BTG4: variants seen among roughly 807,000 people sequenced by gnomAD.
BTG4 encodes the protein protein BTG4.
In BTG4, 10 loss-of-function variants were observed where a neutral mutation model predicts 19.3. The ratio of observed to expected loss-of-function variants is 0.52; its 90% confidence interval spans 0.32 to 0.88. The LOEUF is 0.88. BTG4 is among the 40% of genes least tolerant of loss of function. The pLI is 0.04. For synonymous variants in BTG4, 91 were observed against 95.7 expected (o/e 0.95, Z 0.29); for missense variants, 238 against 281.9 (o/e 0.84, Z 1.11).
intron 5 of BTG4, among the ~76,000 whole-genome samples, chr11:111,483,446 T>G (rs1565452520): frequency 6.6e-6 from 1 of 152,020 alleles, no homozygotes; most frequent in Non-Finnish European, 1.5e-5. Context: ...GGAATCAGAA[T>G]CACCACCTTG....
chr11:111,511,378 T>C (rs147169261), intron 1 of BTG4, among the ~76,000 whole-genome samples: 1 of 152,330 alleles, frequency 6.6e-6, no homozygotes, highest in Non-Finnish European at 1.5e-5. Context: ...TAGTGTGAGT[T>C]TGTAGTTTGT....
intron 1 of BTG4, among the ~76,000 whole-genome samples, chr11:111,500,967 C>T (rs540508902): frequency 6.6e-6 from 1 of 152,174 alleles, no homozygotes; most frequent in African/African-American, 2.4e-5. Context: ...AACTTTAAGA[C>T]TCACCATCTG....
chr11:111,497,127 T>C (rs748684561), intron 4 of BTG4, 84 bp downstream of exon 4: 1 of 1,325,998 alleles, frequency 7.5e-7, no homozygotes, highest in Non-Finnish European at 1.0e-6. Flanking sequence ...CCATGTTTTT[T>C]TGCTTCTTTG....
chr11:111,453,798 C>T, the BTG4 span, among the ~76,000 whole-genome samples: 2 of 152,246 alleles, frequency 1.3e-5, no homozygotes, highest in Non-Finnish European at 2.9e-5. Context: ...GACATCTAAA[C>T]ACACTTTCCA....
At chr11:111,425,435 C>A in the BTG4 span, among the ~76,000 whole-genome samples, 6 of 152,222 alleles carry the variant, frequency 3.9e-5, no homozygotes, top group East Asian at 9.7e-4. Context: ...CCAGTGCTGA[C>A]CATTTAAGGA....
the BTG4 span, chr11:111,453,487 C>T: frequency 2.2e-6 from 1 of 456,580 alleles, no homozygotes; most frequent in Admixed American, 2.3e-5. Flanking sequence ...AGAATGCAAC[C>T]TCGATGCCTA....
chr11:111,420,747 G>C, the BTG4 span, among the ~76,000 whole-genome samples: 2 of 152,190 alleles, frequency 1.3e-5, no homozygotes, highest in Non-Finnish European at 2.9e-5. Flanking sequence ...CATTTTTATT[G>C]AGCACCTAAT....
At chr11:111,428,433 T>C in the BTG4 span, among the ~76,000 whole-genome samples, 2 of 152,214 alleles carry the variant, frequency 1.3e-5, no homozygotes, top group East Asian at 3.9e-4. Context: ...CAAGCCCTGC[T>C]GACCTACAGA....
At chr11:111,448,761 G>T in the BTG4 span, 1 of 152,434 alleles carries the variant, frequency 6.6e-6, no homozygotes, top group Non-Finnish European at 1.5e-5. Context: ...ACTTGACCAG[G>T]GTTGGCTCAG....
the BTG4 span, chr11:111,453,567 G>T: frequency 8.4e-5 from 38 of 454,606 alleles, no homozygotes; most frequent in Non-Finnish European, 1.4e-4. Flanking sequence ...ACGCCCCCAG[G>T]GTTGAGGGGG....
At chr11:111,458,688 C>T in the BTG4 span, among the ~76,000 whole-genome samples, 2 of 151,850 alleles carry the variant, frequency 1.3e-5, no homozygotes, top group Admixed American at 6.6e-5. Flanking sequence ...GAGTTCATCC[C>T]AAAACTCCAC....
At chr11:111,476,097 C>G (rs1489137391) in intron 5 of BTG4, among the ~76,000 whole-genome samples, 1 of 149,292 alleles carries the variant, frequency 6.7e-6, no homozygotes, top group African/African-American at 2.5e-5. Flanking sequence ...GGGACACAGC[C>G]AAACCATATC....
chr11:111,488,540 C>A (rs1469973631), intron 5 of BTG4, among the ~76,000 whole-genome samples: 2 of 152,100 alleles, frequency 1.3e-5, no homozygotes, highest in Non-Finnish European at 2.9e-5. Flanking sequence ...TTGGTCTGGG[C>A]AAAGGTTTCT....
the BTG4 span, chr11:111,416,786 T>C: frequency 6.6e-6 from 1 of 152,196 alleles, no homozygotes; most frequent in Non-Finnish European, 1.5e-5. Flanking sequence ...TGGTCCTTAG[T>C]AGGACTGAAT....
chr11:111,387,354 G>A, the BTG4 span, among the ~76,000 whole-genome samples: 1 of 152,174 alleles, frequency 6.6e-6, no homozygotes, highest in Admixed American at 6.5e-5. Context: ...CTAGGAAGAG[G>A]CCTAATCATT....
At chr11:111,389,810 G>A in the BTG4 span, among the ~76,000 whole-genome samples, 1 of 152,110 alleles carries the variant, frequency 6.6e-6, no homozygotes, top group Non-Finnish European at 1.5e-5. Context: ...CTTAATTAAT[G>A]TGTCCCACAA....
chr11:111,412,200 C>T, the BTG4 span, among the ~76,000 whole-genome samples: 1 of 152,226 alleles, frequency 6.6e-6, no homozygotes, highest in Non-Finnish European at 1.5e-5. Flanking sequence ...GACTACAATG[C>T]TCAAAGCCCA....
At chr11:111,453,895 ATT>A in the BTG4 span, among the ~76,000 whole-genome samples, 1 of 152,234 alleles carries the variant, frequency 6.6e-6, no homozygotes, top group Non-Finnish European at 1.5e-5. Flanking sequence ...GAAGGTATTT[ATT>A]GTATGTCACA....
At chr11:111,455,607 C>T in the BTG4 span, 1 of 292,468 alleles carries the variant, frequency 3.4e-6, no homozygotes, top group Non-Finnish European at 7.2e-6. Flanking sequence ...TCCGGCTGGG[C>T]AGAACCCAGA....
Sources: gnomAD v4.1 joint callset for allele counts (sites outside exome capture counted in the v4.1 genomes callset) on GRCh38, gnomAD v4.1.1 for gene constraint, MANE v1.5 for transcripts, NCBI Gene and HGNC (gene_info 2026-07-23, HGNC 2026-07-21) for gene names.